The following LINGO1 variants were observed in gnomAD, a reference collection of about 807,000 sequenced individuals.
LINGO1 encodes leucine-rich repeat and immunoglobulin-like domain-containing nogo receptor-interacting protein 1.
In LINGO1, 11 loss-of-function variants were observed where a neutral mutation model predicts 37.3. The observed-to-expected ratio is 0.29, with a 90% CI of 0.19 to 0.49. The LOEUF is 0.49. Among genes scored for constraint, LINGO1 ranks in the 20% least tolerant of loss-of-function variants. The pLI is 0.99. For synonymous variants in LINGO1, 387 were observed against 403.0 expected, an observed-to-expected ratio of 0.96 and a Z score of 0.48; for missense variants, 585 against 878.2, an observed-to-expected ratio of 0.67 and a Z score of 4.22.
chr15:77,676,489 C>G (rs904507548), intron 3 of LINGO1, among the ~76,000 whole-genome samples: 19 of 152,194 alleles, frequency 1.2e-4, no homozygotes, highest in Non-Finnish European at 2.1e-4. Context: ...GATTTGGCAC[C>G]AGGCCGAAAG....
At chr15:77,691,317 C>G (rs2075599545) in intron 1 of LINGO1, among the ~76,000 whole-genome samples, 1 of 152,188 alleles carries the variant, frequency 6.6e-6, no homozygotes, top group Admixed American at 6.5e-5. Context: ...AAGGGATTTG[C>G]CCGAGGTCAC....
chr15:77,772,745 T>C (rs1253337733), intron 1 of LINGO1, among the ~76,000 whole-genome samples: 1 of 152,152 alleles, frequency 6.6e-6, no homozygotes, highest in Non-Finnish European at 1.5e-5. Flanking sequence ...TGAAAATCCC[T>C]GTGGACAGTA....
chr15:77,682,566 C>A (rs2075435553), intron 2 of LINGO1, among the ~76,000 whole-genome samples: 1 of 152,068 alleles, frequency 6.6e-6, no homozygotes, highest in Non-Finnish European at 1.5e-5. Context: ...CCAAGCCAAA[C>A]ACCCAAGCAT....
intron 3 of LINGO1, chr15:77,641,761 G>A (rs1229962469): frequency 2.3e-6 from 1 of 431,368 alleles, no homozygotes; most frequent in African/African-American, 2.0e-5. Flanking sequence ...GACACAGAGA[G>A]CCAGAAACGG....
At chr15:77,785,680 C>A (rs1053920739) in intron 1 of LINGO1, among the ~76,000 whole-genome samples, 7 of 152,138 alleles carry the variant, frequency 4.6e-5, no homozygotes, top group African/African-American at 1.7e-4. Context: ...CCTGCCTGAT[C>A]TTTGTTCACA....
chr15:77,640,854 A>G (rs574734011), intron 3 of LINGO1, among the ~76,000 whole-genome samples: 171 of 152,142 alleles, frequency 1.1e-3, no homozygotes, highest in Non-Finnish European at 2.1e-3. Context: ...TCATTCATTC[A>G]TTCATTCATC....
intron 1 of LINGO1, among the ~76,000 whole-genome samples, chr15:77,802,410 TCCC>T (rs67014821): frequency 0.08 from 12,167 of 151,890 alleles, 514 homozygotes; most frequent in Middle Eastern, 0.14. Context: ...CCCCGGGTGT[TCCC>T]CCAAGGTGTG....
At chr15:77,717,705 C>T (rs1230552560) in intron 2 of LINGO1, among the ~76,000 whole-genome samples, 1 of 150,786 alleles carries the variant, frequency 6.6e-6, no homozygotes, top group Non-Finnish European at 1.5e-5. Flanking sequence ...CAGGGCGGCC[C>T]CCACCAAGCC....
chr15:77,629,867 T>C (rs1230319368), intron 1 of LINGO1, among the ~76,000 whole-genome samples: 3 of 152,022 alleles, frequency 2.0e-5, no homozygotes, highest in African/African-American at 4.8e-5. Flanking sequence ...TGTGGTTCTA[T>C]GCTGTGGGTG....
At chr15:77,690,146 T>G (rs1000830160) in intron 2 of LINGO1, among the ~76,000 whole-genome samples, 3 of 152,136 alleles carry the variant, frequency 2.0e-5, no homozygotes, top group African/African-American at 4.8e-5. Flanking sequence ...ATCCTAAGAT[T>G]CCTTTGGGAA....
rs147632893 is a variant in LINGO1, at chr15:77,707,075, G to A, written c.-194-16174C>T. 2.7e-3 allele frequency among the ~76,000 whole-genome samples: 412 copies of A among 152,358 alleles called. 1 individual carries two copies. Among genetic ancestry groups the A allele is most frequent in the African/African-American group, 9.8e-3 (406 of 41,586 alleles). On this transcript the variant is annotated intron_variant, in intron 2 of 3. Coordinates refer to the LINGO1 transcript ENST00000561686. ...ACCTGCAACTACTGAGACCATGCCA[G>A]CAGCTGGGTGTTCTCGAAACAAATT... is the stretch of plus-strand genomic sequence containing the variant.
intron 1 of LINGO1, among the ~76,000 whole-genome samples, chr15:77,800,395 TCTGA>T (rs2076908489): frequency 6.6e-6 from 1 of 151,802 alleles, no homozygotes; most frequent in South Asian, 2.1e-4. Flanking sequence ...AGACAGAGGC[TCTGA>T]GAGAGACAGA....
At chr15:77,759,384 G>A (rs376276895) in intron 1 of LINGO1, among the ~76,000 whole-genome samples, 5 of 152,194 alleles carry the variant, frequency 3.3e-5, no homozygotes, top group Admixed American at 6.5e-5. Flanking sequence ...GGCCCGCAAC[G>A]CCTGCTAACT....
chr15:77,771,551 A>G (rs2076585734), intron 1 of LINGO1, among the ~76,000 whole-genome samples: 1 of 152,208 alleles, frequency 6.6e-6, no homozygotes, highest in African/African-American at 2.4e-5. Flanking sequence ...GATTCTCCAC[A>G]GCAAGTTCTC....
chr15:77,655,562 T>A (rs559894561), intron 3 of LINGO1, among the ~76,000 whole-genome samples: 2 of 152,036 alleles, frequency 1.3e-5, no homozygotes, highest in Middle Eastern at 3.2e-3. Flanking sequence ...TGGGTGACCA[T>A]ACCAATAGCA....
At chr15:77,772,876 T>G (rs138416079) in intron 1 of LINGO1, among the ~76,000 whole-genome samples, 41 of 152,264 alleles carry the variant, frequency 2.7e-4, no homozygotes, top group African/African-American at 9.6e-4. Context: ...CATGGTTCGT[T>G]AAGGCGCTAA....
chr15:77,757,889 C>T (rs1179737019), intron 1 of LINGO1, among the ~76,000 whole-genome samples: 1 of 152,262 alleles, frequency 6.6e-6, no homozygotes, highest in Admixed American at 6.5e-5. Flanking sequence ...TAGCCCAGAC[C>T]TGCTCGTTAA....
intron 3 of LINGO1, among the ~76,000 whole-genome samples, chr15:77,665,873 A>T (rs2075118368): frequency 6.6e-6 from 1 of 152,110 alleles, no homozygotes; most frequent in African/African-American, 2.4e-5. Context: ...CAGTGAATCC[A>T]TTCAAGTGTT....
intron 2 of LINGO1, among the ~76,000 whole-genome samples, chr15:77,720,996 A>G (rs1490773516): frequency 6.6e-6 from 1 of 151,996 alleles, no homozygotes; most frequent in African/African-American, 2.4e-5. Context: ...ACAGGGGAAC[A>G]ACAGAGAGCC....
Sources: allele counts gnomAD v4.1 joint callset (sites outside exome capture counted in the v4.1 genomes callset), GRCh38; gene constraint gnomAD v4.1.1; transcripts MANE v1.5; gene names NCBI Gene and HGNC (gene_info 2026-07-23, HGNC 2026-07-21).